The following RAB15 variants were observed in gnomAD, a reference collection of about 807,000 sequenced individuals.
The protein encoded by RAB15 is RAB15, member RAS oncogene family.
RAB15 carries 13 observed loss-of-function variants against 31.8 expected under a neutral mutation model. The ratio of observed to expected loss-of-function variants is 0.41; its 90% CI spans 0.27 to 0.65. The LOEUF (loss-of-function observed/expected upper bound fraction) is 0.65. RAB15 is among the 30% of genes least tolerant of loss of function. RAB15 has a pLI of 0.32. For missense variants in RAB15, 220 were observed against 277.3 expected, an observed-to-expected ratio of 0.79 and a Z score of 1.47; for synonymous variants, 100 against 105.6, an observed-to-expected ratio of 0.95 and a Z score of 0.33.
In RAB15 at chr14:64,953,495, G is replaced by A. The variant is rs1353935250; in HGVS notation, c.125-924C>T. On this transcript the variant is annotated intron_variant, in intron 1 of 6. Coordinates refer to ENST00000533601, the MANE Select transcript of RAB15 (RefSeq NM_001308154.2). The surrounding 1 kb of genome is among the most constrained non-coding windows in gnomAD (Gnocchi z 4.6). ...ATGGCATGGCATGTCACTGCGGGAGGGAAAGGAAGCAAAGAGTTCCCACGC... is the reference window on the plus strand; with the variant it reads ...ATGGCATGGCATGTCACTGCGGGAGAGAAAGGAAGCAAAGAGTTCCCACGC... 2.0e-5 allele frequency among the ~76,000 whole-genome samples: 3 copies of A among 152,182 alleles called. No homozygotes were observed. Among genetic ancestry groups the A allele is most frequent in the Non-Finnish European group, 1.5e-5 (1 of 68,044 alleles).
rs1003507686 is a variant in RAB15 at position 64,968,224 on chromosome 14, A to G, written c.124+3729T>C. Among the ~76,000 whole-genome samples, 1 of 152,178 alleles carries G rather than the reference A, an allele frequency of 6.6e-6. No individual in the cohort carries two copies. The highest frequency in any genetic ancestry group is 2.4e-5 in the African/African-American group (1 of 41,442). On this transcript the variant is annotated intron_variant, in intron 1 of 6. Transcript: ENST00000533601. The surrounding 1 kb of genome is among the most constrained non-coding windows in gnomAD (Gnocchi z 4.9). The stretch of plus-strand genomic sequence containing the variant: ...AAGAATCTTCTCACTTTCCTGAAGA[A>G]TCCCTTCTGTTGCATCTAAACTGCC...
At position 64,950,448 on chromosome 14, in the gene RAB15, G is replaced by A; in HGVS notation, c.325-34C>T. The A allele has an allele frequency of 1.3e-6, 2 of 1,551,382 alleles. No individual in the cohort carries two copies. Among genetic ancestry groups the A allele is most frequent in the Non-Finnish European group, 1.8e-6 (2 of 1,124,090 alleles). On this transcript the variant is annotated intron_variant, in intron 4 of 6. Transcript: ENST00000533601. This position sits in a 1 kb window ranked among gnomAD's most constrained non-coding sequence, Gnocchi z 5.6. Reference sequence around the variant, plus strand: ...AAAGGATGGGCAGAACAGCCAGTGAGTGCTGCCTGCCCCCCCAATTTTCCC... The same window carrying A: ...AAAGGATGGGCAGAACAGCCAGTGAATGCTGCCTGCCCCCCCAATTTTCCC...
chr14:64,963,036 C>T (rs1272421222), intron 1 of RAB15, among the ~76,000 whole-genome samples: 3 of 151,998 alleles, frequency 2.0e-5, no homozygotes, highest in Admixed American at 6.6e-5. Flanking sequence ...TAAAGCCCAC[C>T]GTCCCTGTGT....
chr14:64,954,722 A>G lies in RAB15; in HGVS notation c.125-2151T>C, dbSNP rs1886450356. On this transcript the variant is annotated intron_variant, in intron 1 of 6. Transcript: ENST00000533601. This position sits in a 1 kb window ranked among gnomAD's most constrained non-coding sequence, Gnocchi z 4.3. Reference sequence around the variant, plus strand: ...CGTGCAGAGATTCCAACACAGGTCCATCTATGCTGGAACCCACGCTGCCCC... The same window carrying G: ...CGTGCAGAGATTCCAACACAGGTCCGTCTATGCTGGAACCCACGCTGCCCC... 6.6e-6 allele frequency among the ~76,000 whole-genome samples: 1 copy of G among 152,228 alleles called. No homozygotes were observed. Among genetic ancestry groups the G allele is most frequent in the Non-Finnish European group, 1.5e-5 (1 of 68,042 alleles).
At chr14:64,960,716 A>C (rs561664384) in intron 1 of RAB15, among the ~76,000 whole-genome samples, 32 of 152,330 alleles carry the variant, frequency 2.1e-4, no homozygotes, top group African/African-American at 7.7e-4. Flanking sequence ...GCATGAGATT[A>C]GCGAGCCCAG....
intron 5 of RAB15, among the ~76,000 whole-genome samples, chr14:64,949,679 C>T (rs551254161): frequency 2.5e-4 from 36 of 146,866 alleles, no homozygotes; most frequent in African/African-American, 8.1e-4. Context: ...GCCGAGATGG[C>T]GCCACTGCAC....
rs774631513 is a variant in RAB15, at chr14:64,951,532, A to G, written c.246+71T>C. On this transcript the variant is annotated intron_variant, in intron 3 of 6. Transcript: ENST00000533601. The surrounding 1 kb of genome is among the most constrained non-coding windows in gnomAD (Gnocchi z 7.2). Reference sequence around the variant, plus strand: ...TATTTAGGGGATCCGTGGCACAGACATCTCAAATACCCAGAGCTGGGAGTG... The same window carrying G: ...TATTTAGGGGATCCGTGGCACAGACGTCTCAAATACCCAGAGCTGGGAGTG... 22 of 1,382,446 alleles carry G rather than the reference A, an allele frequency of 1.6e-5. No individual in the cohort carries two copies. Among genetic ancestry groups the G allele is most frequent in the Non-Finnish European group, 2.3e-5 (22 of 968,432 alleles). 85.6% of individuals were successfully genotyped at this position (1,382,446 alleles called of 1,614,324 possible). A position where few individuals can be genotyped will look rare whatever the true frequency, so the allele number is the denominator to read the frequency against.
At position 64,948,566 on chromosome 14, in the gene RAB15, C is replaced by T. The variant is rs1886049283; in HGVS notation, c.481-54G>A. 2.5e-6 allele frequency: 4 copies of T among 1,602,540 alleles called. No homozygotes were observed. The highest frequency in any genetic ancestry group is 3.4e-6 in the Non-Finnish European group (4 of 1,173,496). ...AGTGTCTCCTCCTCTCCCCTGGCAACCCTGCAGCGGCCTGAGGGATAAGGT... is the reference window on the plus strand; with the variant it reads ...AGTGTCTCCTCCTCTCCCCTGGCAATCCTGCAGCGGCCTGAGGGATAAGGT... On this transcript the variant is annotated intron_variant, in intron 6 of 6. Transcript: ENST00000533601. The surrounding 1 kb of genome is among the most constrained non-coding windows in gnomAD (Gnocchi z 7.0).
intron 1 of RAB15, among the ~76,000 whole-genome samples, chr14:64,960,260 G>A (rs1034742387): frequency 1.3e-5 from 2 of 152,336 alleles, no homozygotes; most frequent in East Asian, 1.9e-4. Context: ...AAGCTAGCTC[G>A]CCTTGGGTGG....
intron 1 of RAB15, among the ~76,000 whole-genome samples, chr14:64,956,410 CAAA>C (rs551478593): frequency 9.6e-5 from 7 of 72,922 alleles, no homozygotes; most frequent in African/African-American, 1.5e-4. Flanking sequence ...GACTTCATCT[CAAA>C]AAAAAAAAAA....
rs1461791776 is a variant in RAB15, at chr14:64,962,729, G to A, written c.124+9224C>T. On this transcript the variant is annotated intron_variant, in intron 1 of 6. Coordinates refer to ENST00000533601, the MANE Select transcript of RAB15 (RefSeq NM_001308154.2). The surrounding 1 kb of genome is among the most constrained non-coding windows in gnomAD (Gnocchi z 4.2). Reference sequence around the variant, plus strand: ...CAAACTCACAGTTCCTAGGAAGAGGGTCAACAGTACTCTCTCCTTTGTTAC... The same window carrying A: ...CAAACTCACAGTTCCTAGGAAGAGGATCAACAGTACTCTCTCCTTTGTTAC... Among the ~76,000 whole-genome samples, 1 of 152,164 alleles carries A rather than the reference G, an allele frequency of 6.6e-6. No homozygotes were observed. The highest frequency in any genetic ancestry group is 6.5e-5 in the Admixed American group (1 of 15,272).
At chr14:64,967,291 G>A (rs1484151349) in intron 1 of RAB15, among the ~76,000 whole-genome samples, 3 of 152,174 alleles carry the variant, frequency 2.0e-5, no homozygotes, top group African/African-American at 7.2e-5. Flanking sequence ...GGATGGGAGG[G>A]AGAAAACCAA....
At chr14:64,957,348 C>T (rs927534912) in intron 1 of RAB15, among the ~76,000 whole-genome samples, 1 of 152,148 alleles carries the variant, frequency 6.6e-6, no homozygotes, top group Non-Finnish European at 1.5e-5. Context: ...CTCCTACCTT[C>T]CCTCTGCTGA....
chr14:64,961,379 C>T (rs1886848599), intron 1 of RAB15, among the ~76,000 whole-genome samples: 1 of 152,170 alleles, frequency 6.6e-6, no homozygotes, highest in Non-Finnish European at 1.5e-5. Flanking sequence ...TTGGCTGTGT[C>T]CTCACCCAAA....
At position 64,948,236 on chromosome 14, in the gene RAB15, G is replaced by C; in HGVS notation, c.*118C>G. On this transcript the variant is annotated 3_prime_UTR_variant, in exon 7 of 7. Coordinates refer to ENST00000533601, the MANE Select transcript of RAB15 (RefSeq NM_001308154.2). This position sits in a 1 kb window ranked among gnomAD's most constrained non-coding sequence, Gnocchi z 7.0. The stretch of plus-strand genomic sequence containing the variant: ...CCAGGCAGGGGGAGTAGTGGCTACT[G>C]ATACTCAATAGGGTCATCACACGAG... 1 of 1,102,362 alleles carries C rather than the reference G, an allele frequency of 9.1e-7. No individual in the cohort carries two copies. 68.3% of individuals were successfully genotyped at this position (1,102,362 alleles called of 1,614,324 possible).
intron 1 of RAB15, among the ~76,000 whole-genome samples, chr14:64,966,522 C>CAAAA (rs199979215): frequency 7.0e-6 from 1 of 143,020 alleles, no homozygotes; most frequent in Non-Finnish European, 1.5e-5. Context: ...TACTCGGTCT[C>CAAAA]AAAAAAAAAT....
In RAB15 at chr14:64,954,141, T is replaced by C; in HGVS notation, c.125-1570A>G. 1 of 985,438 alleles carries C rather than the reference T, an allele frequency of 1.0e-6. No individual in the cohort carries two copies. The highest frequency in any genetic ancestry group is 1.7e-5 in the African/African-American group (1 of 57,362). 61.0% of individuals were successfully genotyped at this position (985,438 alleles called of 1,614,324 possible). ...TCGATTTGGTCAGACGTGAATCATT[T>C]CTCGCCTGCCCAAGCTGATTCATAT... is the stretch of plus-strand genomic sequence containing the variant. On this transcript the variant is annotated intron_variant, in intron 1 of 6. Transcript: ENST00000533601. This position sits in a 1 kb window ranked among gnomAD's most constrained non-coding sequence, Gnocchi z 4.3.
rs1052028171 is a variant in RAB15 at position 64,970,823 on chromosome 14, C to T, written c.124+1130G>A. 3.3e-5 allele frequency among the ~76,000 whole-genome samples: 5 copies of T among 152,188 alleles called. No homozygotes were observed. The highest frequency in any genetic ancestry group is 6.5e-5 in the Admixed American group (1 of 15,284). On this transcript the variant is annotated intron_variant, in intron 1 of 6. Coordinates refer to ENST00000533601, the MANE Select transcript of RAB15 (RefSeq NM_001308154.2). This position sits in a 1 kb window ranked among gnomAD's most constrained non-coding sequence, Gnocchi z 4.1. ...TGGACAATAAAGCTGGCTTCTTAAC[C>T]AGAAGGTTCTGTTCCTCCTGGCTGT... is the stretch of plus-strand genomic sequence containing the variant.
rs905411497 is a variant in RAB15, at chr14:64,968,429, C to T, written c.124+3524G>A. Among the ~76,000 whole-genome samples, 1 of 152,154 alleles carries T rather than the reference C, an allele frequency of 6.6e-6. No individual in the cohort carries two copies. The highest frequency in any genetic ancestry group is 1.9e-4 in the East Asian group (1 of 5,186). ...TCCCCAGCCTCCGACAGCATGGAGT[C>T]GTGGGAATAGCACTCACCCATCCCA... On this transcript the variant is annotated intron_variant, in intron 1 of 6. Transcript: ENST00000533601. The surrounding 1 kb of genome is among the most constrained non-coding windows in gnomAD (Gnocchi z 4.9).
Sources: gnomAD v4.1 joint callset for allele counts (sites outside exome capture counted in the v4.1 genomes callset) on GRCh38, gnomAD v4.1.1 for gene constraint, Gnocchi (gnomAD v3.1) non-coding constraint, MANE v1.5 for transcripts, NCBI Gene and HGNC (gene_info 2026-07-23, HGNC 2026-07-21) for gene names.